Variants in CAMK2D observed in about 807,000 individuals in gnomAD.
CAMK2D encodes calcium/calmodulin dependent protein kinase II delta.
Under a neutral mutation model 84.0 loss-of-function variants are expected in CAMK2D, and 37 were observed. The ratio of observed to expected loss-of-function variants is 0.44; its 90% CI spans 0.34 to 0.58. The LOEUF (loss-of-function observed/expected upper bound fraction) is 0.58, where lower values mean the gene tolerates loss of function less well. Ranked by LOEUF, CAMK2D falls within the 20% of genes least tolerant of loss-of-function variation. The probability of loss-of-function intolerance (pLI) is 0.02; values close to 1 mark genes in which losing one functional copy is unlikely to be tolerated. For missense variants in CAMK2D, 448 were observed against 652.5 expected, an observed-to-expected ratio of 0.69 and a Z score of 3.41; for synonymous variants, 202 against 212.5, an observed-to-expected ratio of 0.95 and a Z score of 0.43.
chr4:113,555,353 G>A (rs2098657396), intron 4 of CAMK2D, among the ~76,000 whole-genome samples: 1 of 152,154 alleles, frequency 6.6e-6, no homozygotes, highest in Admixed American at 6.5e-5. Context: ...GGAACCAAGA[G>A]CGGCACCCAG....
At chr4:113,614,034 C>T (rs2099011767) in intron 3 of CAMK2D, among the ~76,000 whole-genome samples, 1 of 152,000 alleles carries the variant, frequency 6.6e-6, no homozygotes, top group African/African-American at 2.4e-5. Flanking sequence ...ATGTTAGAAA[C>T]ACTTCTGTCA....
intron 2 of CAMK2D, among the ~76,000 whole-genome samples, chr4:113,736,693 C>T (rs2099582150): frequency 6.6e-6 from 1 of 152,032 alleles, no homozygotes; most frequent in African/African-American, 2.4e-5. Context: ...ACACTATGGC[C>T]TTTCATTCAT....
intron 16 of CAMK2D, among the ~76,000 whole-genome samples, chr4:113,484,538 T>G (rs1208777350): frequency 6.6e-6 from 1 of 152,156 alleles, no homozygotes; most frequent in African/African-American, 2.4e-5. Context: ...ATGAGATTTT[T>G]TAAAAAAGCC....
At chr4:113,497,731 C>T (rs980557979) in intron 16 of CAMK2D, among the ~76,000 whole-genome samples, 4 of 152,184 alleles carry the variant, frequency 2.6e-5, no homozygotes, top group Non-Finnish European at 4.4e-5. Context: ...GCAGAATGTG[C>T]ACTGCCTTGG....
At chr4:113,592,859 T>C (rs900637007) in intron 4 of CAMK2D, among the ~76,000 whole-genome samples, 1 of 152,090 alleles carries the variant, frequency 6.6e-6, no homozygotes, top group African/African-American at 2.4e-5. Flanking sequence ...GACATTTTAT[T>C]TATTTATTTA....
intron 19 of CAMK2D, 108 bp downstream of exon 19, chr4:113,457,223 TAACC>T: frequency 6.8e-7 from 1 of 1,473,688 alleles, no homozygotes; most frequent in Middle Eastern, 1.8e-4. Context: ...TTCATCAGTG[TAACC>T]AACTACTAGC....
chr4:113,460,687 TA>T (rs66809209), intron 17 of CAMK2D, among the ~76,000 whole-genome samples: 13 of 151,370 alleles, frequency 8.6e-5, no homozygotes, highest in Non-Finnish European at 1.6e-4. Flanking sequence ...ATAATAATAA[TA>T]ATTATTATTA....
intron 2 of CAMK2D, among the ~76,000 whole-genome samples, chr4:113,704,415 C>A (rs1435074799): frequency 6.6e-6 from 1 of 152,066 alleles, no homozygotes; most frequent in Non-Finnish European, 1.5e-5. Flanking sequence ...ATTTTCCTCA[C>A]TAGCAATTTA....
At chr4:113,713,480 TTATTATATATAATATGATAACAA>T (rs1426196793) in intron 2 of CAMK2D, among the ~76,000 whole-genome samples, 1 of 148,114 alleles carries the variant, frequency 6.8e-6, no homozygotes, top group African/African-American at 2.5e-5. Flanking sequence ...TATAACAACA[TTATTATATATAATATGATAACAA>T]TATTATATAT....
chr4:113,509,801 T>TATC, intron 12 of CAMK2D, 126 bp from the exon 13 acceptor site: 5 of 684,640 alleles, frequency 7.3e-6, no homozygotes, highest in Non-Finnish European at 2.6e-6. Context: ...TATGGCAAGT[T>TATC]ATCAAAGTCA....
Position 113,500,481 on chromosome 4 carries a change from C to A in CAMK2D, c.1117G>T (p.Glu373Ter), listed in dbSNP as rs1290119810. The change falls in exon 16 of 21, where the codon GAG becomes TAG. Residue 373 changes from glutamate (E) to a stop codon, truncating the protein, a stop_gained. Coordinates refer to ENST00000511664, the MANE Select transcript of CAMK2D (RefSeq NM_001321571.2). LOFTEE classifies it high-confidence loss of function. ...ATCATACCTTTCACATCTTCATCCTCAATTGTTGTATTTGAACTCTCAGTT... is the reference window on the plus strand; with the variant it reads ...ATCATACCTTTCACATCTTCATCCTAAATTGTTGTATTTGAACTCTCAGTT... ...ESTESSNTTIEDEDVKARKQE... is the reference protein window; with the variant it reads ...ESTESSNTTI 6.2e-7 allele frequency: 1 copy of A among 1,601,068 alleles called. No homozygotes were observed. Among genetic ancestry groups the A allele is most frequent in the Non-Finnish European group, 8.5e-7 (1 of 1,170,544 alleles).
intron 2 of CAMK2D, among the ~76,000 whole-genome samples, chr4:113,748,331 C>T (rs1290073109): frequency 1.3e-5 from 2 of 151,560 alleles, no homozygotes; most frequent in Non-Finnish European, 2.9e-5. Flanking sequence ...TTTAGAATCA[C>T]GCTCCTTAAA....
At chr4:113,459,423 T>G (rs2097344110) in intron 18 of CAMK2D, among the ~76,000 whole-genome samples, 1 of 152,070 alleles carries the variant, frequency 6.6e-6, no homozygotes, top group Non-Finnish European at 1.5e-5. Context: ...CTCACTATGT[T>G]GCTCATACTG....
At chr4:113,494,970 A>C (rs2097908475) in intron 16 of CAMK2D, among the ~76,000 whole-genome samples, 1 of 152,148 alleles carries the variant, frequency 6.6e-6, no homozygotes, top group Non-Finnish European at 1.5e-5. Context: ...GCGCTTCCCA[A>C]GTGAGGCAAT....
intron 4 of CAMK2D, among the ~76,000 whole-genome samples, chr4:113,601,099 T>C (rs899134162): frequency 6.6e-6 from 1 of 152,250 alleles, no homozygotes; most frequent in African/African-American, 2.4e-5. Flanking sequence ...TACCTCCTTC[T>C]GTAGGTTGTA....
At chr4:113,479,676 G>A (rs1395451347) in intron 16 of CAMK2D, among the ~76,000 whole-genome samples, 1 of 152,198 alleles carries the variant, frequency 6.6e-6, no homozygotes, top group Non-Finnish European at 1.5e-5. Context: ...GCTTTATGTA[G>A]TTTGGGTATT....
At position 113,749,250 on chromosome 4, in the gene CAMK2D, T is replaced by A. The variant is rs116480632; in HGVS notation, c.160+10070A>T. On this transcript the variant is annotated intron_variant, in intron 2 of 20. Coordinates refer to ENST00000511664, the MANE Select transcript of CAMK2D (RefSeq NM_001321571.2). ...TATTAGCACTGTAAAGCTATAGAATTTGGAACCCCGCCCCCCCCACCCAGT... is the reference window on the plus strand; with the variant it reads ...TATTAGCACTGTAAAGCTATAGAATATGGAACCCCGCCCCCCCCACCCAGT... Among the ~76,000 whole-genome samples the A allele has an allele frequency of 6.2e-3, 937 of 151,602 alleles. 17 individuals are homozygous for A. The highest frequency in any genetic ancestry group is 0.021 in the African/African-American group (874 of 41,248).
intron 3 of CAMK2D, among the ~76,000 whole-genome samples, chr4:113,615,940 G>T (rs188283173): frequency 1.3e-5 from 2 of 152,076 alleles, no homozygotes; most frequent in East Asian, 3.9e-4. Flanking sequence ...AACACATAAA[G>T]TTACATAAGG....
At chr4:113,711,435 C>G (rs2099492285) in intron 2 of CAMK2D, among the ~76,000 whole-genome samples, 1 of 151,924 alleles carries the variant, frequency 6.6e-6, no homozygotes, top group African/African-American at 2.4e-5. Flanking sequence ...AAACTAAAAG[C>G]TAAAATATCT....
Sources: allele counts gnomAD v4.1 joint callset (sites outside exome capture counted in the v4.1 genomes callset), GRCh38; gene constraint gnomAD v4.1.1; transcripts MANE v1.5; gene names NCBI Gene and HGNC (gene_info 2026-07-23, HGNC 2026-07-21).